Variants in LPGAT1 observed in about 807,000 individuals in gnomAD.
LPGAT1 encodes lysophosphatidylglycerol acyltransferase 1, also known as acyl-CoA:lysophosphatidylglycerol acyltransferase 1.
LPGAT1 carries 11 observed loss-of-function variants against 47.5 expected under a neutral mutation model. The observed-to-expected ratio is 0.23, with a 90% confidence interval of 0.15 to 0.38. The LOEUF is 0.38. Ranked by LOEUF, LPGAT1 falls within the 10% of genes least tolerant of loss-of-function variation. LPGAT1 has a pLI of 1.00. For synonymous variants in LPGAT1, 138 were observed against 144.2 expected (o/e 0.96, Z 0.31); for missense variants, 293 against 439.0 (o/e 0.67, Z 2.97).
chr1:211,801,778 G>C (rs1659583653), intron 2 of LPGAT1, among the ~76,000 whole-genome samples: 1 of 150,602 alleles, frequency 6.6e-6, no homozygotes, highest in Non-Finnish European at 1.5e-5. Context: ...GAAAAGAAAA[G>C]AAGAGAAGAG....
At chr1:211,791,684 T>C (rs1010947294) in intron 3 of LPGAT1, among the ~76,000 whole-genome samples, 1 of 149,906 alleles carries the variant, frequency 6.7e-6, no homozygotes, top group Non-Finnish European at 1.5e-5. Flanking sequence ...GAGGCAGAGG[T>C]TGCAGCAAGC....
At chr1:211,796,597 C>T (rs1659362268) in intron 2 of LPGAT1, among the ~76,000 whole-genome samples, 1 of 152,150 alleles carries the variant, frequency 6.6e-6, no homozygotes, top group Admixed American at 6.5e-5. Context: ...TGCTGTAAAA[C>T]CCACTTTGTG....
At chr1:211,761,119 C>T (rs1156414797) in intron 6 of LPGAT1, among the ~76,000 whole-genome samples, 1 of 152,138 alleles carries the variant, frequency 6.6e-6, no homozygotes, top group Non-Finnish European at 1.5e-5. Flanking sequence ...TCTATTTCTG[C>T]TTTGTTGACA....
rs1281884780 is a variant in LPGAT1 at position 211,747,447 on chromosome 1, A to G, written c.*2452T>C. 6.6e-6 allele frequency: 1 copy of G among 152,222 alleles called. No individual in the cohort carries two copies. The highest frequency in any genetic ancestry group is 1.5e-5 in the Non-Finnish European group (1 of 68,032). 9.4% of individuals were successfully genotyped at this position (152,222 alleles called of 1,614,324 possible). A position where few individuals can be genotyped will look rare whatever the true frequency, so the allele number is the denominator to read the frequency against. ...CCGTACTTGAAAAGTAAAGCATCTT[A>G]TAGAATAGTTTAATGTGTACAGTAT... On this transcript the variant is annotated 3_prime_UTR_variant, in exon 8 of 8. Transcript: ENST00000366997.
At chr1:211,760,423 C>T (rs1284455857) in intron 6 of LPGAT1, among the ~76,000 whole-genome samples, 1 of 152,214 alleles carries the variant, frequency 6.6e-6, no homozygotes, top group Admixed American at 6.5e-5. Context: ...TCACTGCACT[C>T]CGGCCTGGGC....
At chr1:211,762,840 G>T (rs1004173593) in intron 6 of LPGAT1, among the ~76,000 whole-genome samples, 1 of 152,156 alleles carries the variant, frequency 6.6e-6, no homozygotes, top group African/African-American at 2.4e-5. Flanking sequence ...ACTGGAGTTG[G>T]AGCATTTGAA....
At chr1:211,753,771 A>T (rs1045454402) in intron 6 of LPGAT1, among the ~76,000 whole-genome samples, 1 of 152,216 alleles carries the variant, frequency 6.6e-6, no homozygotes, top group Non-Finnish European at 1.5e-5. Flanking sequence ...TCAAGAGTTC[A>T]GGTCCATTAG....
chr1:211,795,235 T>C (rs1025303217), intron 2 of LPGAT1, among the ~76,000 whole-genome samples: 8 of 152,364 alleles, frequency 5.3e-5, no homozygotes, highest in African/African-American at 1.9e-4. Flanking sequence ...ACTACCTAAA[T>C]AAATTATATC....
At chr1:211,789,049 A>G (rs1422783255) in intron 3 of LPGAT1, among the ~76,000 whole-genome samples, 5 of 152,228 alleles carry the variant, frequency 3.3e-5, no homozygotes, top group Non-Finnish European at 7.3e-5. Flanking sequence ...TCTTTTTTTA[A>G]AAATGAAGAT....
At chr1:211,820,510 A>C (rs1660331640) in intron 2 of LPGAT1, among the ~76,000 whole-genome samples, 1 of 151,212 alleles carries the variant, frequency 6.6e-6, no homozygotes, top group Non-Finnish European at 1.5e-5. Flanking sequence ...GATAACAGGA[A>C]TAGGGAAGCA....
intron 2 of LPGAT1, among the ~76,000 whole-genome samples, chr1:211,822,347 T>G (rs552868936): frequency 6.6e-6 from 1 of 152,286 alleles, no homozygotes; most frequent in South Asian, 2.1e-4. Context: ...AATTGCTGAG[T>G]TTAAAGCATT....
chr1:211,783,787 T>G (rs533364225), intron 4 of LPGAT1, among the ~76,000 whole-genome samples: 3 of 152,296 alleles, frequency 2.0e-5, no homozygotes, highest in Non-Finnish European at 4.4e-5. Context: ...ACTGAGTGCC[T>G]GCTATGTGCC....
intron 2 of LPGAT1, among the ~76,000 whole-genome samples, chr1:211,822,291 T>C (rs1660389044): frequency 6.6e-6 from 1 of 152,190 alleles, no homozygotes; most frequent in South Asian, 2.1e-4. Context: ...ATTATTCAAT[T>C]ATAAACTATC....
chr1:211,821,899 A>G (rs1245514469), intron 2 of LPGAT1, among the ~76,000 whole-genome samples: 4 of 152,228 alleles, frequency 2.6e-5, no homozygotes, highest in South Asian at 2.1e-4. Context: ...ATATAAATAG[A>G]AAACATAAAA....
At chr1:211,755,937 T>G (rs1028267404) in intron 6 of LPGAT1, among the ~76,000 whole-genome samples, 3 of 152,210 alleles carry the variant, frequency 2.0e-5, no homozygotes, top group Admixed American at 2.0e-4. Flanking sequence ...ACTTCAAGTT[T>G]CAGCTTGCTG....
At position 211,745,196 on chromosome 1, in the gene LPGAT1, C is replaced by A. The variant is rs1194415624; in HGVS notation, c.*4703G>T. 1.3e-5 allele frequency: 2 copies of A among 152,640 alleles called. No individual in the cohort carries two copies. Among genetic ancestry groups the A allele is most frequent in the African/African-American group, 4.8e-5 (2 of 41,466 alleles). 9.5% of individuals were successfully genotyped at this position (152,640 alleles called of 1,614,324 possible). A position where few individuals can be genotyped will look rare whatever the true frequency, so the allele number is the denominator to read the frequency against. On this transcript the variant is annotated 3_prime_UTR_variant, in exon 8 of 8. Coordinates refer to ENST00000366997, the MANE Select transcript of LPGAT1 (RefSeq NM_014873.3). ...TTACAGTTGCCACAGCCTTTACATT[C>A]ATTCTTATCACACGTTACAACATGC... is the stretch of plus-strand genomic sequence containing the variant.
intron 3 of LPGAT1, among the ~76,000 whole-genome samples, chr1:211,791,577 G>A (rs1412948670): frequency 2.0e-5 from 3 of 151,802 alleles, no homozygotes; most frequent in Non-Finnish European, 4.4e-5. Flanking sequence ...GCGAAACCCC[G>A]TCTCTACTAA....
intron 5 of LPGAT1, among the ~76,000 whole-genome samples, chr1:211,779,697 AAAAAATTAGCCG>A (rs1261616082): frequency 2.0e-5 from 3 of 151,898 alleles, no homozygotes; most frequent in Admixed American, 6.6e-5. Flanking sequence ...CTAAAAATAC[AAAAAATTAGCCG>A]GGTATGGTGG....
chr1:211,816,409 T>G (rs1660177515), intron 2 of LPGAT1, among the ~76,000 whole-genome samples: 1 of 152,142 alleles, frequency 6.6e-6, no homozygotes, highest in Non-Finnish European at 1.5e-5. Context: ...TTAGAATAGG[T>G]GACTGAATTA....
Sources: allele counts gnomAD v4.1 joint callset (sites outside exome capture counted in the v4.1 genomes callset), GRCh38; gene constraint gnomAD v4.1.1; transcripts MANE v1.5; gene names NCBI Gene and HGNC (gene_info 2026-07-23, HGNC 2026-07-21).